NCKAP1: variants seen among roughly 807,000 people sequenced by gnomAD.
NCKAP1 encodes the protein nck-associated protein 1.
In NCKAP1, 21 loss-of-function variants were observed where a neutral mutation model predicts 151.2. The observed-to-expected ratio is 0.14, with a 90% CI of 0.10 to 0.20. The LOEUF (loss-of-function observed/expected upper bound fraction) is 0.20, where lower values mean the gene tolerates loss of function less well. Among genes scored for constraint, NCKAP1 ranks in the 10% least tolerant of loss-of-function variants. NCKAP1 has a pLI of 1.00. For missense variants in NCKAP1, 933 were observed against 1,352.1 expected (o/e 0.69, Z 4.86); for synonymous variants, 484 against 451.8 (o/e 1.07, Z -0.90).
chr2:183,009,279 G>T (rs980825484), intron 2 of NCKAP1, among the ~76,000 whole-genome samples: 2 of 149,746 alleles, frequency 1.3e-5, no homozygotes, highest in African/African-American at 4.9e-5. Flanking sequence ...GGAGGCTGAG[G>T]TAAGAGAATC....
chr2:182,991,885 T>A (rs1236972941), intron 8 of NCKAP1, among the ~76,000 whole-genome samples: 1 of 152,086 alleles, frequency 6.6e-6, no homozygotes, highest in Non-Finnish European at 1.5e-5. Context: ...AAAATACGTA[T>A]CAGGATAATT....
rs1696440006 is a variant in NCKAP1 at position 182,914,644 on chromosome 2, G to A, written c.*11058C>T. On this transcript the variant is annotated 3_prime_UTR_variant, in exon 31 of 31. Transcript: ENST00000361354. ...TTTTCTGGTTCCCTTTAAAACTTAAGTCACTTAGAATGACATGAGGGGTTC... is the reference window on the plus strand; with the variant it reads ...TTTTCTGGTTCCCTTTAAAACTTAAATCACTTAGAATGACATGAGGGGTTC... 1 of 152,098 alleles carries A rather than the reference G, an allele frequency of 6.6e-6. No homozygotes were observed. The highest frequency in any genetic ancestry group is 1.5e-5 in the Non-Finnish European group (1 of 68,018). 9.4% of individuals were successfully genotyped at this position (152,098 alleles called of 1,614,324 possible). A position where few individuals can be genotyped will look rare whatever the true frequency, so the allele number is the denominator to read the frequency against.
intron 6 of NCKAP1, among the ~76,000 whole-genome samples, chr2:182,997,166 T>C (rs2105870390): frequency 6.6e-6 from 1 of 152,274 alleles, no homozygotes; most frequent in Non-Finnish European, 1.5e-5. Context: ...TAGCTAAGAG[T>C]CTGTCAACCT....
intron 1 of NCKAP1, among the ~76,000 whole-genome samples, chr2:183,025,834 T>C (rs1698884069): frequency 6.6e-6 from 1 of 152,202 alleles, no homozygotes. Flanking sequence ...GTCATAAACA[T>C]GCTTGAGGTA....
intron 16 of NCKAP1, among the ~76,000 whole-genome samples, chr2:182,966,252 C>T (rs183722691): frequency 5.9e-5 from 9 of 152,080 alleles, no homozygotes; most frequent in South Asian, 2.1e-4. Flanking sequence ...TAGCTTGAGG[C>T]GAGAATTCTT....
At chr2:182,960,763 AGC>A (rs1697430242) in intron 18 of NCKAP1, among the ~76,000 whole-genome samples, 1 of 152,236 alleles carries the variant, frequency 6.6e-6, no homozygotes, top group Non-Finnish European at 1.5e-5. Flanking sequence ...GCTTCTGCAC[AGC>A]AAAAGAAACT....
chr2:183,028,848 T>C (rs1698949220), intron 1 of NCKAP1, among the ~76,000 whole-genome samples: 1 of 152,050 alleles, frequency 6.6e-6, no homozygotes. Flanking sequence ...GCTCAGTGGC[T>C]CACGCCTGTA....
intron 2 of NCKAP1, among the ~76,000 whole-genome samples, chr2:183,007,697 G>A (rs1050174625): frequency 1.3e-5 from 2 of 152,046 alleles, no homozygotes; most frequent in Admixed American, 6.6e-5. Context: ...TTGGTTTCAA[G>A]GAATGCTTTG....
intron 17 of NCKAP1, 43 bp downstream of exon 17, chr2:182,964,633 T>C (rs756467304): frequency 1.4e-5 from 21 of 1,466,340 alleles, no homozygotes; most frequent in Non-Finnish European, 1.8e-5. Context: ...TGATCTAGTT[T>C]ACTTTGCATA....
Position 182,952,418 on chromosome 2 carries a change from A to G in NCKAP1, c.2588T>C (p.Val863Ala), listed in dbSNP as rs1697233096. The change falls in exon 23 of 31, where the codon GTT (valine) becomes GCT (alanine). Residue 863 changes from valine to alanine, a missense_variant. Val to Ala is a moderately conservative substitution (Grantham distance 64). Around this residue, in one of 2 missense-constraint regions of NCKAP1, gnomAD observed 326 missense variants for 557.1 expected, o/e 0.59. Transcript: ENST00000361354. ...AGACTATATTACCTTAAGTTCAGCA[A>G]CTTGTGATGAAATATGCCACATAAG... is the stretch of plus-strand genomic sequence containing the variant. ...ESLMWHISSQVAELKKLVVEN... is the reference protein window; with the variant it reads ...ESLMWHISSQAAELKKLVVEN... 3 of 1,603,954 alleles carry G rather than the reference A, an allele frequency of 1.9e-6. No individual in the cohort carries two copies. Among genetic ancestry groups the G allele is most frequent in the Non-Finnish European group, 2.6e-6 (3 of 1,174,474 alleles).
intron 8 of NCKAP1, among the ~76,000 whole-genome samples, chr2:182,993,888 A>G (rs977114171): frequency 6.6e-6 from 1 of 152,232 alleles, no homozygotes; most frequent in African/African-American, 2.4e-5. Context: ...TGAAGCTGAT[A>G]AACAAACAGC....
chr2:183,019,179 T>C (rs1275510908), intron 2 of NCKAP1, among the ~76,000 whole-genome samples: 1 of 152,264 alleles, frequency 6.6e-6, no homozygotes, highest in Non-Finnish European at 1.5e-5. Context: ...TCAGCATACA[T>C]AGGATAGTAA....
intron 18 of NCKAP1, among the ~76,000 whole-genome samples, chr2:182,959,338 A>T (rs1428505765): frequency 1.3e-5 from 2 of 152,122 alleles, no homozygotes; most frequent in African/African-American, 4.8e-5. Flanking sequence ...AAAGGCTGGT[A>T]CATCTTGTCA....
At chr2:182,989,745 T>C (rs886712551) in intron 8 of NCKAP1, among the ~76,000 whole-genome samples, 2 of 151,370 alleles carry the variant, frequency 1.3e-5, no homozygotes, top group African/African-American at 2.4e-5. Flanking sequence ...CTCATGCCTG[T>C]AATCCCAGCA....
At chr2:183,020,060 A>G (rs909950756) in intron 2 of NCKAP1, among the ~76,000 whole-genome samples, 3 of 152,120 alleles carry the variant, frequency 2.0e-5, no homozygotes, top group Admixed American at 2.0e-4. Flanking sequence ...CAGTTATTAA[A>G]AAAAACAAAA....
chr2:182,981,125 A>G lies in NCKAP1; in HGVS notation c.1341+119T>C, dbSNP rs77947629. ...TTCTAGGTAATGATCTCCAAAATAT[A>G]AACATGATTTATCACTTGGCACATG... is the stretch of plus-strand genomic sequence containing the variant. On this transcript the variant is annotated intron_variant, in intron 13 of 30. Transcript: ENST00000361354. 1.3e-3 allele frequency: 1,659 copies of G among 1,298,166 alleles called. 12 individuals carry two copies. The African/African-American group carries it at 0.023, about 18-fold the overall frequency. The allele number at this position is 1,298,166 out of a possible 1,614,324, so 80.4% of individuals were successfully genotyped here.
intron 6 of NCKAP1, among the ~76,000 whole-genome samples, chr2:182,998,256 C>A (rs774863984): frequency 6.6e-6 from 1 of 152,046 alleles, no homozygotes; most frequent in Admixed American, 6.6e-5. Flanking sequence ...CCCGTAAGAA[C>A]TGGAACAAGA....
rs1696559696 is a variant in NCKAP1 at position 182,922,150 on chromosome 2, GAAT to G, written c.*3549_*3551del. The stretch of plus-strand genomic sequence containing the variant: ...TAAGGATTATTCACAAAAGTCTTAG[GAAT>G]AATACAGGTGAAGTCTCAGAAAGGC... On this transcript the variant is annotated 3_prime_UTR_variant, in exon 31 of 31. Coordinates refer to ENST00000361354, the MANE Select transcript of NCKAP1 (RefSeq NM_013436.5). 1 of 152,176 alleles carries G rather than the reference GAAT, an allele frequency of 6.6e-6. No homozygotes were observed. The highest frequency in any genetic ancestry group is 2.4e-5 in the African/African-American group (1 of 41,432). The allele number at this position is 152,176 out of a possible 1,614,324, so 9.4% of individuals were successfully genotyped here.
At chr2:182,963,978 T>G (rs904509330) in intron 17 of NCKAP1, among the ~76,000 whole-genome samples, 6 of 152,162 alleles carry the variant, frequency 3.9e-5, no homozygotes, top group Non-Finnish European at 7.4e-5. Flanking sequence ...GTTCCTGCTA[T>G]CTCTAAGTTT....
Sources: allele counts gnomAD v4.1 joint callset (sites outside exome capture counted in the v4.1 genomes callset), GRCh38; gene constraint gnomAD v4.1.1; regional missense constraint gnomAD v4.1.1; transcripts MANE v1.5; gene names NCBI Gene and HGNC (gene_info 2026-07-23, HGNC 2026-07-21).